The following ARSG variants were observed in gnomAD, a reference collection of about 807,000 sequenced individuals.
The protein encoded by ARSG is arylsulfatase G.
Under a neutral mutation model 50.5 loss-of-function variants are expected in ARSG, and 37 were observed. That is an observed-to-expected ratio of 0.73 (90% CI 0.56 to 0.96). ARSG has a LOEUF of 0.96. Among genes scored for constraint, ARSG ranks in the 50% least tolerant of loss-of-function variants. The pLI is 0.00. For synonymous variants in ARSG, 225 were observed against 254.6 expected (o/e 0.88, Z 1.11); for missense variants, 629 against 675.3 (o/e 0.93, Z 0.76).
chr17:68,307,502 G>C lies in ARSG; in HGVS notation c.9G>C (p.Trp3Cys). MG[W>C]LFLKVLLAGV... Reference sequence around the variant, plus strand: ...ATCCTGCCTTCACCACCATGGGCTGGCTTTTTCTAAAGGTTTTGTTGGCGG... The same window carrying C: ...ATCCTGCCTTCACCACCATGGGCTGCCTTTTTCTAAAGGTTTTGTTGGCGG... The change falls in exon 2 of 12, where the codon TGG becomes TGC. Residue 3 changes from tryptophan (W) to cysteine (C), a missense_variant. Transcript: ENST00000621439. 1.9e-6 allele frequency: 3 copies of C among 1,613,508 alleles called. No homozygotes were observed. Among genetic ancestry groups the C allele is most frequent in the Non-Finnish European group, 2.5e-6 (3 of 1,179,580 alleles).
intron 10 of ARSG, among the ~76,000 whole-genome samples, 179 bp downstream of exon 10, chr17:68,395,372 G>C (rs955180304): frequency 1.3e-5 from 2 of 152,364 alleles, no homozygotes; most frequent in African/African-American, 4.8e-5. Flanking sequence ...CTGATCACTT[G>C]AGGTCAGGAG....
intron 4 of ARSG, among the ~76,000 whole-genome samples, chr17:68,350,245 G>A (rs1599831313): frequency 1.3e-5 from 2 of 152,250 alleles, no homozygotes; most frequent in African/African-American, 2.4e-5. Context: ...TTTAGGAAGG[G>A]TGCTTATAGA....
intron 2 of ARSG, among the ~76,000 whole-genome samples, chr17:68,314,860 T>G (rs2077010859): frequency 6.6e-6 from 1 of 152,232 alleles, no homozygotes; most frequent in Admixed American, 6.5e-5. Flanking sequence ...ATCTGCATGA[T>G]AAAAGGTCCA....
the ARSG span, among the ~76,000 whole-genome samples, chr17:68,442,718 G>A: frequency 6.6e-6 from 1 of 152,072 alleles, no homozygotes; most frequent in Non-Finnish European, 1.5e-5. Flanking sequence ...CAGATTCAGG[G>A]GCCTCTCATT....
At chr17:68,330,631 T>C (rs1212743153) in intron 2 of ARSG, among the ~76,000 whole-genome samples, 1 of 152,036 alleles carries the variant, frequency 6.6e-6, no homozygotes, top group East Asian at 1.9e-4. Flanking sequence ...TAGGAATAGC[T>C]GGTATGTAGG....
At chr17:68,322,610 C>T (rs1047859601) in intron 2 of ARSG, among the ~76,000 whole-genome samples, 3 of 150,212 alleles carry the variant, frequency 2.0e-5, no homozygotes, top group Non-Finnish European at 4.4e-5. Flanking sequence ...AGTGAGACTC[C>T]GTCTCAAAAA....
At chr17:68,298,981 A>G (rs1368696462) in intron 1 of ARSG, among the ~76,000 whole-genome samples, 4 of 152,194 alleles carry the variant, frequency 2.6e-5, no homozygotes, top group African/African-American at 7.2e-5. Flanking sequence ...TTGAGAAAGT[A>G]GAATGGATCC....
intron 11 of ARSG, among the ~76,000 whole-genome samples, chr17:68,418,830 C>T (rs8081173): frequency 0.038 from 5,727 of 152,244 alleles, 370 homozygotes; most frequent in African/African-American, 0.13. Flanking sequence ...AAAAGCTCTG[C>T]TTCTCCTGAG....
At chr17:68,364,684 C>T (rs2079459744) in intron 6 of ARSG, among the ~76,000 whole-genome samples, 1 of 152,184 alleles carries the variant, frequency 6.6e-6, no homozygotes, top group Non-Finnish European at 1.5e-5. Flanking sequence ...GTTCTTCTAG[C>T]CTCATTCTAT....
Position 68,271,492 on chromosome 17 carries a change from T to C in ARSG, c.-552+12066T>C. The C allele has an allele frequency of 1.9e-6, 3 of 1,614,186 alleles. No homozygotes were observed. Among genetic ancestry groups the C allele is most frequent in the African/African-American group, 1.3e-5 (1 of 75,058 alleles). On this transcript the variant is annotated intron_variant, in intron 1 of 11. Transcript: ENST00000448504. The surrounding 1 kb of genome is among the most constrained non-coding windows in gnomAD (Gnocchi z 5.3). ...TGTTTTCTCATTTTCAAGCATATAC[T>C]GCGCTTCTTTCCGATTTTCCTGGAT...
intron 2 of ARSG, among the ~76,000 whole-genome samples, chr17:68,316,061 A>G (rs1395679524): frequency 6.6e-6 from 1 of 152,108 alleles, no homozygotes; most frequent in Non-Finnish European, 1.5e-5. Flanking sequence ...CTCCAGCTTC[A>G]TCTCCAACCC....
At chr17:68,322,317 T>C (rs1428023991) in intron 2 of ARSG, among the ~76,000 whole-genome samples, 2 of 152,158 alleles carry the variant, frequency 1.3e-5, no homozygotes, top group Non-Finnish European at 2.9e-5. Context: ...AACTCAAAAC[T>C]GCATCCCGCT....
chr17:68,408,570 T>C (rs928073405), intron 11 of ARSG, among the ~76,000 whole-genome samples: 1 of 152,138 alleles, frequency 6.6e-6, no homozygotes, highest in Non-Finnish European at 1.5e-5. Context: ...TTGTGAATAA[T>C]GCTGCAATAA....
the ARSG span, among the ~76,000 whole-genome samples, chr17:68,439,446 G>A: frequency 6.6e-6 from 1 of 152,124 alleles, no homozygotes; most frequent in Non-Finnish European, 1.5e-5. Flanking sequence ...ATCTAATAGA[G>A]ACAGAAAGTA....
At chr17:68,402,200 G>A (rs1044308124) in intron 11 of ARSG, among the ~76,000 whole-genome samples, 1 of 152,046 alleles carries the variant, frequency 6.6e-6, no homozygotes, top group Non-Finnish European at 1.5e-5. Flanking sequence ...TTAGGTACAC[G>A]TCTTATTTCC....
intron 8 of ARSG, chr17:68,379,758 T>G: frequency 1.2e-5 from 11 of 914,838 alleles, no homozygotes; most frequent in South Asian, 5.0e-5. Context: ...CCCTGTCGAA[T>G]GACATTCAGC....
chr17:68,426,252 G>GGGGT (rs1555798489), downstream of ARSG: 2 of 828,180 alleles, frequency 2.4e-6, no homozygotes, highest in Admixed American at 2.3e-5. Flanking sequence ...TGGGGAGCGG[G>GGGGT]GGCTCAAATA....
intron 5 of ARSG, among the ~76,000 whole-genome samples, chr17:68,356,431 T>C (rs1389697450): frequency 6.6e-6 from 1 of 152,178 alleles, no homozygotes; most frequent in East Asian, 1.9e-4. Flanking sequence ...CACGAGAGTC[T>C]TTGCAAGCTT....
rs1051652638 is a variant in ARSG at position 68,307,789 on chromosome 17, G to A, written c.218+78G>A. On this transcript the variant is annotated intron_variant, in intron 2 of 11. Coordinates refer to ENST00000621439, the MANE Select transcript of ARSG (RefSeq NM_001267727.2). ...TTGAGAGGGGAAGGGGCCGTGCAAA[G>A]CACTTAAAGAGTCATTGATGGACCC... is the stretch of plus-strand genomic sequence containing the variant. 3.5e-5 allele frequency: 28 copies of A among 790,168 alleles called. No homozygotes were observed. In the African/African-American group the frequency reaches 3.6e-4, roughly 10 times the overall value. The allele number at this position is 790,168 out of a possible 1,614,324, so 48.9% of individuals were successfully genotyped here. A position where few individuals can be genotyped will look rare whatever the true frequency, so the allele number is the denominator to read the frequency against.
Sources: allele counts gnomAD v4.1 joint callset (sites outside exome capture counted in the v4.1 genomes callset), GRCh38; gene constraint gnomAD v4.1.1; non-coding constraint Gnocchi (gnomAD v3.1); transcripts MANE v1.5; gene names NCBI Gene and HGNC (gene_info 2026-07-23, HGNC 2026-07-21).